Variants in SARNP observed in about 807,000 individuals in gnomAD.
The protein encoded by SARNP is SAP domain-containing ribonucleoprotein.
SARNP carries 5 observed loss-of-function variants against 38.1 expected under a neutral mutation model. The observed-to-expected ratio is 0.13, with a 90% CI of 0.07 to 0.28. The LOEUF (loss-of-function observed/expected upper bound fraction) is 0.28. Ranked by LOEUF, SARNP falls within the 10% of genes least tolerant of loss-of-function variation. The pLI, the probability that SARNP is intolerant of heterozygous loss-of-function variation, is 1.00. For synonymous variants in SARNP, 84 were observed against 80.6 expected (o/e 1.04, Z -0.23); for missense variants, 180 against 243.9 (o/e 0.74, Z 1.75).
At chr12:55,804,046 T>G (rs1031289026) in intron 1 of SARNP, among the ~76,000 whole-genome samples, 1 of 152,226 alleles carries the variant, frequency 6.6e-6, no homozygotes, top group Non-Finnish European at 1.5e-5. Flanking sequence ...AAAGGTTTTT[T>G]TCTTAAGACT....
At chr12:55,754,542 T>G (rs1176905861), downstream of SARNP, 2 of 152,236 alleles carry the variant, frequency 1.3e-5, no homozygotes, top group Admixed American at 6.5e-5. Flanking sequence ...CTGCCTTTTC[T>G]TTTTCTCAAA....
chr12:55,804,621 T>C (rs139739086), intron 1 of SARNP, among the ~76,000 whole-genome samples: 174 of 152,276 alleles, frequency 1.1e-3, no homozygotes, highest in East Asian at 6.9e-3. Flanking sequence ...CAGTATGATT[T>C]GCTACCTATA....
At chr12:55,762,738 G>A (rs1408677107) in intron 9 of SARNP, 1 of 152,234 alleles carries the variant, frequency 6.6e-6, no homozygotes, top group East Asian at 1.9e-4. Flanking sequence ...GAAATATACA[G>A]CAATTTTTCA....
At position 55,789,159 on chromosome 12, in the gene SARNP, G is replaced by A; in HGVS notation, c.433-16C>T. ...CCAAGTTAACCTATAAAAACATAGG[G>A]GAAAGAACATAGTTTTAAAAAATCA... On this transcript the variant is annotated splice_polypyrimidine_tract_variant and intron_variant, in intron 8 of 10. Transcript: ENST00000336133. 4 of 1,550,208 alleles carry A rather than the reference G, an allele frequency of 2.6e-6. No homozygotes were observed. The highest frequency in any genetic ancestry group is 4.2e-5 in the Admixed American group (2 of 47,932).
intron 9 of SARNP, among the ~76,000 whole-genome samples, chr12:55,772,771 A>G (rs562769501): frequency 4.7e-5 from 7 of 150,064 alleles, no homozygotes; most frequent in South Asian, 2.1e-4. Context: ...ATGGAGTGCA[A>G]TGGCATGATC....
At chr12:55,802,877 T>C (rs575374783) in intron 2 of SARNP, among the ~76,000 whole-genome samples, 35 of 148,686 alleles carry the variant, frequency 2.4e-4, no homozygotes, top group Admixed American at 1.2e-3. Flanking sequence ...GGAATTAGAA[T>C]CAACAGACTA....
At chr12:55,769,022 A>G (rs1878929904) in intron 9 of SARNP, among the ~76,000 whole-genome samples, 1 of 152,150 alleles carries the variant, frequency 6.6e-6, no homozygotes, top group African/African-American at 2.4e-5. Context: ...AGGCCAAACT[A>G]TCTTCTCTTT....
intron 9 of SARNP, among the ~76,000 whole-genome samples, chr12:55,788,284 A>C (rs1324562785): frequency 2.6e-5 from 4 of 152,232 alleles, no homozygotes. Flanking sequence ...CTTGCTTAAT[A>C]AACTAAATAA....
chr12:55,774,558 T>TAAAAAAAAAAAAAAAA lies in SARNP; in HGVS notation c.502-13919_502-13918insTTTTTTTTTTTTTTTT, dbSNP rs1565673497. Among the ~76,000 whole-genome samples the TAAAAAAAAAAAAAAAA allele has an allele frequency of 1.6e-3, 63 of 40,522 alleles. 7 individuals are homozygous for TAAAAAAAAAAAAAAAA. Among genetic ancestry groups the TAAAAAAAAAAAAAAAA allele is most frequent in the African/African-American group, 2.0e-3 (44 of 22,452 alleles). 26.6% of individuals were successfully genotyped at this position (40,522 alleles called of 152,430 possible). A position where few individuals can be genotyped will look rare whatever the true frequency, so the allele number is the denominator to read the frequency against. Reference sequence around the variant, plus strand: ...CGACACGGTGAAACCCCGTCTCTACTGAAAAAAAAAAAAAAACAAACAAAA... The same window carrying TAAAAAAAAAAAAAAAA: ...CGACACGGTGAAACCCCGTCTCTACTAAAAAAAAAAAAAAAAGAAAAAAAAAAAAAAACAAACAAAA... On this transcript the variant is annotated intron_variant, in intron 9 of 10. Transcript: ENST00000336133.
intron 9 of SARNP, among the ~76,000 whole-genome samples, chr12:55,782,447 T>C (rs982834849): frequency 6.6e-6 from 1 of 152,172 alleles, no homozygotes; most frequent in Non-Finnish European, 1.5e-5. Context: ...TACCAAACAA[T>C]CCACTCAAAT....
intron 4 of SARNP, among the ~76,000 whole-genome samples, chr12:55,798,689 T>C (rs1186922795): frequency 6.6e-6 from 1 of 152,176 alleles, no homozygotes; most frequent in Non-Finnish European, 1.5e-5. Flanking sequence ...AACAGAAGAC[T>C]GGTGAAATAA....
intron 9 of SARNP, among the ~76,000 whole-genome samples, chr12:55,771,167 A>G (rs1004826393): frequency 2.6e-5 from 4 of 152,062 alleles, no homozygotes; most frequent in Non-Finnish European, 2.9e-5. Flanking sequence ...CATGTTAGCC[A>G]GGCTGGTCTC....
intron 1 of SARNP, among the ~76,000 whole-genome samples, chr12:55,811,307 A>G (rs561245243): frequency 1.1e-3 from 175 of 152,302 alleles, no homozygotes; most frequent in African/African-American, 3.9e-3. Context: ...CTGTAATCCC[A>G]GCACTTTGGG....
chr12:55,760,345 A>C (rs1878636866), intron 10 of SARNP: 3 of 540,588 alleles, frequency 5.5e-6, no homozygotes, highest in Non-Finnish European at 6.5e-6. Flanking sequence ...TACTTAAATA[A>C]ATAAATAATT....
In SARNP at chr12:55,780,410, C is replaced by T. The variant is rs182575284; in HGVS notation, c.501+8665G>A. 4.9e-3 allele frequency among the ~76,000 whole-genome samples: 729 copies of T among 149,776 alleles called. 7 individuals carry two copies. The highest frequency in any genetic ancestry group is 0.012 in the African/African-American group (492 of 40,574). ...CAGAGGTTGCAGTGAGCTCAGATTG[C>T]GCCACTGCATTCCAGCCTGGGCAAC... On this transcript the variant is annotated intron_variant, in intron 9 of 10. Coordinates refer to ENST00000336133, the MANE Select transcript of SARNP (RefSeq NM_033082.4).
At chr12:55,779,742 A>G (rs1229597578) in intron 9 of SARNP, among the ~76,000 whole-genome samples, 1 of 152,216 alleles carries the variant, frequency 6.6e-6, no homozygotes, top group Non-Finnish European at 1.5e-5. Flanking sequence ...CAAGGGGGAT[A>G]CATTCCAAAA....
chr12:55,769,170 T>C (rs1878933772), intron 9 of SARNP, among the ~76,000 whole-genome samples: 1 of 152,204 alleles, frequency 6.6e-6, no homozygotes, highest in Non-Finnish European at 1.5e-5. Context: ...TCTATGTAGA[T>C]CCAATCCCAG....
intron 2 of SARNP, among the ~76,000 whole-genome samples, chr12:55,802,588 T>G (rs1880011730): frequency 6.6e-6 from 1 of 151,934 alleles, no homozygotes; most frequent in African/African-American, 2.4e-5. Context: ...AAATAAATTT[T>G]GTGTTTAGGC....
At position 55,757,285 on chromosome 12, in the gene SARNP, T is replaced by G. The variant is rs544191406; in HGVS notation, c.*227A>C. 165 of 389,954 alleles carry G rather than the reference T, an allele frequency of 4.2e-4. 1 individual carries two copies. Among genetic ancestry groups the G allele is most frequent in the African/African-American group, 3.2e-3 (153 of 48,306 alleles). 24.2% of individuals were successfully genotyped at this position (389,954 alleles called of 1,614,324 possible). A position where few individuals can be genotyped will look rare whatever the true frequency, so the allele number is the denominator to read the frequency against. Reference sequence around the variant, plus strand: ...AAACACATTGTTCTCTTTTCTATTTTTTTTTATTAACAAGCAACATAATCA... The same window carrying G: ...AAACACATTGTTCTCTTTTCTATTTGTTTTTATTAACAAGCAACATAATCA... On this transcript the variant is annotated 3_prime_UTR_variant, in exon 11 of 11. Transcript: ENST00000336133.
Sources: gnomAD v4.1 joint callset for allele counts (sites outside exome capture counted in the v4.1 genomes callset) on GRCh38, gnomAD v4.1.1 for gene constraint, MANE v1.5 for transcripts, NCBI Gene and HGNC (gene_info 2026-07-23, HGNC 2026-07-21) for gene names.